Variants in DSG4 observed in about 807,000 individuals in gnomAD.
The protein encoded by DSG4 is desmoglein 4.
DSG4 carries 87 observed loss-of-function variants against 93.1 expected under a neutral mutation model. The ratio of observed to expected loss-of-function variants is 0.93; its 90% CI spans 0.79 to 1.12. The LOEUF is 1.12. Among genes scored for constraint, DSG4 ranks in the 50% most tolerant of loss-of-function variants. DSG4 has a pLI of 0.00. For missense variants in DSG4, 1,373 were observed against 1,285.7 expected, an observed-to-expected ratio of 1.07 and a Z score of -1.04; for synonymous variants, 432 against 452.9, an observed-to-expected ratio of 0.95 and a Z score of 0.59.
rs772194792 is a variant in DSG4 at position 31,392,242 on chromosome 18, T to C, written c.907T>C (p.Trp303Arg). 1 of 1,613,714 alleles carries C rather than the reference T, an allele frequency of 6.2e-7. No homozygotes were observed. Among genetic ancestry groups the C allele is most frequent in the African/African-American group, 1.3e-5 (1 of 74,916 alleles). Residue 303 changes from tryptophan to arginine, a missense_variant, in exon 8 of 16, where the codon TGG becomes CGG. Physicochemically the swap from Trp to Arg is moderately radical, Grantham distance 101. Transcript: ENST00000308128. ...TCTTGATGAAGAAGGCACTGATAACTGGTTGGCTCAATATTTAATTCTCTC... is the reference window on the plus strand; with the variant it reads ...TCTTGATGAAGAAGGCACTGATAACCGGTTGGCTCAATATTTAATTCTCTC... ...IDLDEEGTDN[W>R]LAQYLILSGN...
At chr18:31,390,916 G>A (rs1158586485) in intron 6 of DSG4, 94 bp downstream of exon 6, 3 of 1,518,480 alleles carry the variant, frequency 2.0e-6, no homozygotes, top group East Asian at 2.4e-5. Flanking sequence ...CCAATATAAA[G>A]GAGGGAAGAA....
intron 12 of DSG4, 129 bp from the exon 13 acceptor site, chr18:31,409,323 A>G: frequency 1.4e-6 from 2 of 1,413,496 alleles, no homozygotes; most frequent in Non-Finnish European, 2.0e-6. Flanking sequence ...AAAAAATGAG[A>G]TTTTCTTACA....
chr18:31,388,102 TAAC>T (rs1284464638), intron 3 of DSG4, among the ~76,000 whole-genome samples: 6 of 152,134 alleles, frequency 3.9e-5, no homozygotes, highest in African/African-American at 7.2e-5. Context: ...AATGTGTTAT[TAAC>T]AACAAACCTA....
chr18:31,381,229 G>A (rs2072130764), intron 1 of DSG4, among the ~76,000 whole-genome samples: 2 of 152,174 alleles, frequency 1.3e-5, no homozygotes, highest in African/African-American at 4.8e-5. Flanking sequence ...TTTAAAAAGA[G>A]CTGGAGTGTT....
At chr18:31,411,158 G>C (rs1170067362) in intron 14 of DSG4, 73 bp from the exon 15 acceptor site, 2 of 1,614,084 alleles carry the variant, frequency 1.2e-6, no homozygotes, top group Admixed American at 3.3e-5. Context: ...CGCAGACGGC[G>C]GCGGCAGCGT....
At chr18:31,379,137 GTTC>G (rs1466009258) in intron 1 of DSG4, among the ~76,000 whole-genome samples, 3 of 152,124 alleles carry the variant, frequency 2.0e-5, no homozygotes, top group African/African-American at 4.8e-5. Context: ...TGCTTATCAT[GTTC>G]TTCTATAAAA....
At chr18:31,379,859 C>T (rs1216341970) in intron 1 of DSG4, among the ~76,000 whole-genome samples, 1 of 152,098 alleles carries the variant, frequency 6.6e-6, no homozygotes, top group East Asian at 1.9e-4. Context: ...AGAAAAACAC[C>T]TTATCCTATT....
At chr18:31,395,376 C>T (rs1032898899) in intron 8 of DSG4, among the ~76,000 whole-genome samples, 1 of 151,392 alleles carries the variant, frequency 6.6e-6, no homozygotes, top group African/African-American at 2.4e-5. Context: ...TGAATGATAA[C>T]TTTCCAAATC....
chr18:31,410,528 G>T (rs2072475641), intron 14 of DSG4, among the ~76,000 whole-genome samples: 1 of 151,512 alleles, frequency 6.6e-6, no homozygotes, highest in Non-Finnish European at 1.5e-5. Context: ...TTTTTTTAAA[G>T]AGCTAAAGAA....
chr18:31,399,127 T>C (rs923127704), intron 8 of DSG4, 145 bp from the exon 9 acceptor site: 2 of 942,096 alleles, frequency 2.1e-6, no homozygotes, highest in African/African-American at 3.3e-5. Context: ...AATGCAGTAA[T>C]AAGTAAAATT....
chr18:31,380,654 G>A (rs984526), intron 1 of DSG4, among the ~76,000 whole-genome samples: 122,580 of 151,778 alleles, frequency 0.81, 49,856 homozygotes, highest in East Asian at 0.95. Context: ...TAGACCTGGT[G>A]GGATAGTAAC....
intron 1 of DSG4, among the ~76,000 whole-genome samples, chr18:31,377,178 T>A (rs997713595): frequency 6.6e-6 from 1 of 152,224 alleles, no homozygotes; most frequent in Non-Finnish European, 1.5e-5. Flanking sequence ...ATTAAATTTA[T>A]ATGCCCTCAG....
At chr18:31,378,448 C>G (rs950305298) in intron 1 of DSG4, among the ~76,000 whole-genome samples, 2 of 152,124 alleles carry the variant, frequency 1.3e-5, no homozygotes, top group African/African-American at 4.8e-5. Flanking sequence ...AGCACTAAAT[C>G]TTGCCTCCCA....
At chr18:31,411,015 G>C (rs2072481630) in intron 14 of DSG4, 1 of 1,384,374 alleles carries the variant, frequency 7.2e-7, no homozygotes, top group Admixed American at 2.3e-5. Flanking sequence ...GGAAGGCCAC[G>C]TCCCACCACT....
intron 1 of DSG4, among the ~76,000 whole-genome samples, chr18:31,379,132 A>T (rs1346259876): frequency 6.6e-6 from 1 of 152,224 alleles, no homozygotes; most frequent in Non-Finnish European, 1.5e-5. Context: ...AAGGATGCTT[A>T]TCATGTTCTT....
intron 14 of DSG4, among the ~76,000 whole-genome samples, chr18:31,410,474 A>G (rs982784780): frequency 6.7e-5 from 10 of 149,008 alleles, no homozygotes; most frequent in African/African-American, 2.3e-4. Flanking sequence ...TATACGTTAG[A>G]GTAGTGCCTG....
chr18:31,412,731 A>G (rs2072507845), intron 15 of DSG4, 97 bp from the exon 16 acceptor site: 1 of 1,296,016 alleles, frequency 7.7e-7, no homozygotes, highest in Non-Finnish European at 1.1e-6. Context: ...TTATTCCGTA[A>G]CAACTTAACT....
chr18:31,409,582 C>G lies in DSG4; in HGVS notation c.2064C>G (p.Pro688=). The part of the protein sequence containing the change: ...MQSWRIEGAH[P]EDRDVSNICA... Reference sequence around the variant, plus strand: ...CTTGGAGAATTGAAGGGGCCCATCCCGAGGACAGGGTAAGTGGACTGTCAC... The same window carrying G: ...CTTGGAGAATTGAAGGGGCCCATCCGGAGGACAGGGTAAGTGGACTGTCAC... The change falls in exon 13 of 16, where the codon CCC becomes CCG. Residue 688 remains proline (P), a synonymous_variant. Coordinates refer to ENST00000308128, the MANE Select transcript of DSG4 (RefSeq NM_177986.5). The G allele has an allele frequency of 1.9e-6, 3 of 1,614,084 alleles. No homozygotes were observed. Among genetic ancestry groups the G allele is most frequent in the Non-Finnish European group, 2.5e-6 (3 of 1,180,038 alleles).
intron 1 of DSG4, among the ~76,000 whole-genome samples, chr18:31,380,770 A>C (rs1330353769): frequency 1.3e-5 from 2 of 152,192 alleles, no homozygotes; most frequent in Non-Finnish European, 2.9e-5. Context: ...TTACTTCAAA[A>C]GGGTAAGTCA....
Sources: gnomAD v4.1 joint callset for allele counts (sites outside exome capture counted in the v4.1 genomes callset) on GRCh38, gnomAD v4.1.1 for gene constraint, MANE v1.5 for transcripts, NCBI Gene and HGNC (gene_info 2026-07-23, HGNC 2026-07-21) for gene names.